Variants in MVD observed in about 807,000 individuals in gnomAD.
MVD encodes the protein mevalonate diphosphate decarboxylase, also known as diphosphomevalonate decarboxylase.
MVD carries 52 observed loss-of-function variants against 42.4 expected under a neutral mutation model. The observed-to-expected ratio is 1.23, with a 90% CI of 0.98 to 1.55. The LOEUF (loss-of-function observed/expected upper bound fraction) is 1.55, where lower values mean the gene tolerates loss of function less well. Ranked by LOEUF, MVD falls within the 40% of genes most tolerant of loss-of-function variation. The pLI is 0.00. For missense variants in MVD, 663 were observed against 572.1 expected, an observed-to-expected ratio of 1.16 and a Z score of -1.62; for synonymous variants, 287 against 243.2, an observed-to-expected ratio of 1.18 and a Z score of -1.68.
At chr16:88,653,200 G>C in intron 9 of MVD, 100 bp downstream of exon 9, 1 of 891,498 alleles carries the variant, frequency 1.1e-6, no homozygotes, top group East Asian at 2.7e-5. Flanking sequence ...ACACGGTAGG[G>C]ACAGGGAGCC....
At position 88,654,802 on chromosome 16, in the gene MVD, C is replaced by T. The variant is rs200105902; in HGVS notation, c.903G>A (p.Ala301=). 18 of 1,571,292 alleles carry T rather than the reference C, an allele frequency of 1.1e-5. No homozygotes were observed. The highest frequency in any genetic ancestry group is 6.9e-5 in the East Asian group (3 of 43,390). ...CATTGGGGCCCGCGTCAAAGGTGTACGCCACCTGGAACCCACAGCAGTCAC... is the reference window on the plus strand; with the variant it reads ...CATTGGGGCCCGCGTCAAAGGTGTATGCCACCTGGAACCCACAGCAGTCAC... ...FNAHHGDTKV[A]YTFDAGPNAV... is the part of the protein sequence containing the mutation. The change falls in exon 8 of 10, where the codon GCG becomes GCA. Residue 301 remains alanine (A), a synonymous_variant. Transcript: ENST00000301012.
rs567533965 is a variant in MVD at position 88,656,183 on chromosome 16, C to A, written c.525G>T (p.Gln175His). 1.2e-5 allele frequency: 20 copies of A among 1,601,936 alleles called. No individual in the cohort carries two copies. In the African/African-American group the frequency reaches 1.7e-4, roughly 14 times the overall value. The change falls in exon 5 of 10, where the codon CAG becomes CAT. Residue 175 changes from glutamine to histidine, a missense_variant. Coordinates refer to ENST00000301012, the MANE Select transcript of MVD (RefSeq NM_002461.3). The part of the protein sequence containing the change: ...GGFVEWQMGE[Q>H]ADGKDSIARQ... The stretch of plus-strand genomic sequence containing the variant: ...GAGCGATGCTGTCCTTCCCGTCGGC[C>A]TGCTCTCCCATCTGCCACTCCACAA...
At chr16:88,659,884 T>C (rs1202549706) in intron 1 of MVD, among the ~76,000 whole-genome samples, 1 of 151,330 alleles carries the variant, frequency 6.6e-6, no homozygotes, top group Non-Finnish European at 1.5e-5. Flanking sequence ...GGAAAATCGC[T>C]TGAACCTGGG....
At chr16:88,655,479 G>A (rs1350931981) in intron 6 of MVD, 62 bp from the exon 7 acceptor site, 2 of 1,529,668 alleles carry the variant, frequency 1.3e-6, no homozygotes, top group Admixed American at 3.9e-5. Context: ...AGGGTTCGAG[G>A]AGAGACTCCG....
Position 88,653,344 on chromosome 16 carries a change from T to A in MVD, c.1078A>T (p.Met360Leu), listed in dbSNP as rs772828781. 7 of 1,599,454 alleles carry A rather than the reference T, an allele frequency of 4.4e-6. No homozygotes were observed. Among genetic ancestry groups the A allele is most frequent in the African/African-American group, 4.1e-5 (3 of 73,688 alleles). The stretch of plus-strand genomic sequence containing the variant: ...TTGACCCCACCGGGGGTCGGCTCCA[T>A]GGCCAGCGCAGCCTGAAGCTCAGCT... ...LSAELQAALAMEPTPGGVKYI... is the reference protein window; with the variant it reads ...LSAELQAALALEPTPGGVKYI... Residue 360 changes from methionine (M) to leucine (L), a missense_variant, in exon 9 of 10, where the codon ATG becomes TTG. Met to Leu is a conservative substitution (Grantham distance 15). Coordinates refer to ENST00000301012, the MANE Select transcript of MVD (RefSeq NM_002461.3).
chr16:88,655,378 T>TAC lies in MVD; in HGVS notation c.717_718insGT (p.Met240ValfsTer17). The TAC allele has an allele frequency of 6.3e-7, 1 of 1,596,730 alleles. No homozygotes were observed. The highest frequency in any genetic ancestry group is 1.1e-5 in the South Asian group (1 of 88,488). ...TCTCGCTCCCGGATGCAGCGGGCCATCTCCGCCATGCGCGCGGGCACCACG... is the reference window on the plus strand; with the variant it reads ...TCTCGCTCCCGGATGCAGCGGGCCATACCTCCGCCATGCGCGCGGGCACCACG... On this transcript the variant is annotated frameshift_variant, in exon 7 of 10. Transcript: ENST00000301012.
chr16:88,653,839 G>A (rs892424368), intron 8 of MVD, among the ~76,000 whole-genome samples: 5 of 152,098 alleles, frequency 3.3e-5, no homozygotes, highest in African/African-American at 9.7e-5. Context: ...CCCACCCGGA[G>A]CAGCAGCCAC....
Position 88,655,749 on chromosome 16 carries a change from G to T in MVD, c.604-19C>A, listed in dbSNP as rs372013789. On this transcript the variant is annotated intron_variant, in intron 5 of 9. Coordinates refer to ENST00000301012, the MANE Select transcript of MVD (RefSeq NM_002461.3). ...CGCTCACCTGCACGAGGGAGAGACAGCCTGGGCCACACCCTGCAGGGGGCC... is the reference window on the plus strand; with the variant it reads ...CGCTCACCTGCACGAGGGAGAGACATCCTGGGCCACACCCTGCAGGGGGCC... 2.6e-6 allele frequency: 4 copies of T among 1,551,116 alleles called. No individual in the cohort carries two copies. Among genetic ancestry groups the T allele is most frequent in the Non-Finnish European group, 3.5e-6 (4 of 1,148,174 alleles).
At chr16:88,655,917 C>A in intron 5 of MVD, 187 bp from the exon 6 acceptor site, 6 of 1,089,318 alleles carry the variant, frequency 5.5e-6, no homozygotes, top group Non-Finnish European at 7.7e-6. Flanking sequence ...CAGATCCCAG[C>A]GGGTGGTGGC....
At position 88,656,282 on chromosome 16, in the gene MVD, G is replaced by A. The variant is rs148982299; in HGVS notation, c.426C>T (p.Tyr142=). 3.1e-5 allele frequency: 50 copies of A among 1,599,760 alleles called. No homozygotes were observed. Among genetic ancestry groups the A allele is most frequent in the Middle Eastern group, 1.6e-4 (1 of 6,062 alleles). ...ACLAYTLARV[Y]GVESDLSEVA... is the part of the protein sequence containing the mutation. ...CTTCTGAGAGGTCACTCTCCACGCC[G>A]TAGACACGGGCCAGGGTGTAGGCTG... The change falls in exon 5 of 10, where the codon TAC becomes TAT. Residue 142 remains tyrosine, a synonymous_variant. Transcript: ENST00000301012.
At position 88,652,321 on chromosome 16, in the gene MVD, G is replaced by A. The variant is rs1030535277; in HGVS notation, c.*204C>T. On this transcript the variant is annotated 3_prime_UTR_variant, in exon 10 of 10. Transcript: ENST00000301012. ...TGGCAAAGCGCTGGTGCAGCTTAGG[G>A]CAGCTGAAGCACTCGGCGGGGACCT... The A allele has an allele frequency of 9.5e-6, 6 of 633,704 alleles. No individual in the cohort carries two copies. In the South Asian group the frequency reaches 1.1e-4, roughly 11 times the overall value. 39.3% of individuals were successfully genotyped at this position (633,704 alleles called of 1,614,324 possible).
At chr16:88,661,775 G>A (rs1178080632) in intron 1 of MVD, among the ~76,000 whole-genome samples, 1 of 150,824 alleles carries the variant, frequency 6.6e-6, no homozygotes, top group Non-Finnish European at 1.5e-5. Flanking sequence ...TGAGGATGCG[G>A]AAAATCTGCA....
At chr16:88,655,789 C>T in intron 5 of MVD, 59 bp from the exon 6 acceptor site, 1 of 1,527,922 alleles carries the variant, frequency 6.5e-7, no homozygotes, top group African/African-American at 1.4e-5. Context: ...CCAAGGACCT[C>T]AGCCTCAAAC....
chr16:88,658,155 G>C (rs141636956), intron 2 of MVD, 126 bp from the exon 3 acceptor site: 9 of 914,846 alleles, frequency 9.8e-6, no homozygotes, highest in Admixed American at 4.5e-5. Flanking sequence ...CTGAGGGCAG[G>C]GGGGGAAAGG....
At chr16:88,658,912 G>A (rs1317580199) in intron 1 of MVD, 192 bp from the exon 2 acceptor site, 6 of 581,504 alleles carry the variant, frequency 1.0e-5, no homozygotes, top group African/African-American at 7.5e-5. Context: ...CTGAGCTCAG[G>A]CTCCCAGAGC....
At chr16:88,654,659 C>A in intron 8 of MVD, 33 bp downstream of exon 8, 1 of 1,577,540 alleles carries the variant, frequency 6.3e-7, no homozygotes. Flanking sequence ...GCACCATCTC[C>A]CAAAAAGGAG....
In MVD at chr16:88,653,284, G is replaced by A. The variant is rs1340443467; in HGVS notation, c.1122+16C>T. On this transcript the variant is annotated intron_variant, in intron 9 of 9. Coordinates refer to ENST00000301012, the MANE Select transcript of MVD (RefSeq NM_002461.3). ...GAAAGGAAACCCCGGGGTACTGGGTGAGCCCCAGGCCTCACCTGAGTGACA... is the reference window on the plus strand; with the variant it reads ...GAAAGGAAACCCCGGGGTACTGGGTAAGCCCCAGGCCTCACCTGAGTGACA... 6.3e-7 allele frequency: 1 copy of A among 1,588,892 alleles called. No individual in the cohort carries two copies. The highest frequency in any genetic ancestry group is 8.5e-7 in the Non-Finnish European group (1 of 1,169,774).
intron 1 of MVD, chr16:88,662,581 C>A: frequency 1.1e-6 from 1 of 890,306 alleles, no homozygotes; most frequent in South Asian, 1.9e-5. Context: ...GACACAGGGT[C>A]TCGGGCTGGG....
intron 3 of MVD, 130 bp from the exon 4 acceptor site, chr16:88,657,712 A>C: frequency 7.2e-7 from 1 of 1,387,478 alleles, no homozygotes; most frequent in Non-Finnish European, 9.8e-7. Flanking sequence ...AGAGTTTCTT[A>C]CCCGGGAAAA....
Sources: gnomAD v4.1 joint callset for allele counts (sites outside exome capture counted in the v4.1 genomes callset) on GRCh38, gnomAD v4.1.1 for gene constraint, MANE v1.5 for transcripts, NCBI Gene and HGNC (gene_info 2026-07-23, HGNC 2026-07-21) for gene names.